CCDC90B: variants seen among roughly 807,000 people sequenced by gnomAD.
CCDC90B encodes the protein coiled-coil domain-containing protein 90B, mitochondrial.
Under a neutral mutation model 37.0 loss-of-function variants are expected in CCDC90B, and 24 were observed. The observed-to-expected ratio is 0.65, with a 90% CI of 0.47 to 0.91. The LOEUF (loss-of-function observed/expected upper bound fraction) is 0.91, where lower values mean the gene tolerates loss of function less well. Ranked by LOEUF, CCDC90B falls within the 40% of genes least tolerant of loss-of-function variation. The pLI is 0.00. For synonymous variants in CCDC90B, 113 were observed against 101.1 expected (o/e 1.12, Z -0.71); for missense variants, 319 against 299.0 (o/e 1.07, Z -0.49).
In CCDC90B at chr11:83,265,895, T is replaced by C. The variant is rs1234453281; in HGVS notation, c.679A>G (p.Asn227Asp). ...AGATAACGAATTGTCTCAAGTTTGT[T>C]AGATTCCATCAGTGTTTTTAAGGAA... ...IASLKTLMES[N>D]KLETIRYLAA... Residue 227 changes from asparagine (N) to aspartate (D), a missense_variant, in exon 8 of 9, where the codon AAC (asparagine) becomes GAC (aspartate). Coordinates refer to ENST00000529689, the MANE Select transcript of CCDC90B (RefSeq NM_021825.5). 2 of 1,609,022 alleles carry C rather than the reference T, an allele frequency of 1.2e-6. No homozygotes were observed. Among genetic ancestry groups the C allele is most frequent in the African/African-American group, 2.7e-5 (2 of 74,790 alleles).
chr11:83,282,018 C>T (rs1207642384), intron 1 of CCDC90B, among the ~76,000 whole-genome samples: 1 of 139,976 alleles, frequency 7.1e-6, no homozygotes, highest in African/African-American at 2.6e-5. Flanking sequence ...CCTGGCTTAC[C>T]TCAAGCTTGT....
intron 2 of CCDC90B, 62 bp downstream of exon 2, chr11:83,280,079 C>T: frequency 6.5e-7 from 1 of 1,533,682 alleles, no homozygotes; most frequent in Non-Finnish European, 8.8e-7. Context: ...GTGATATTGT[C>T]TTAACTAGGC....
chr11:83,284,354 C>T (rs1004990210), intron 1 of CCDC90B, among the ~76,000 whole-genome samples: 5 of 152,154 alleles, frequency 3.3e-5, no homozygotes, highest in African/African-American at 1.2e-4. Context: ...AAGTGTTGTC[C>T]CATTAAATTT....
chr11:83,284,993 T>G (rs140018500), intron 1 of CCDC90B: 230 of 418,450 alleles, frequency 5.5e-4, no homozygotes, highest in Non-Finnish European at 7.8e-4. Context: ...AGATGGAGGA[T>G]CAACAACTGC....
At chr11:83,274,242 A>C in intron 4 of CCDC90B, 1 of 353,030 alleles carries the variant, frequency 2.8e-6, no homozygotes, top group East Asian at 4.3e-5. Context: ...AATAAGCTAT[A>C]GTGGATAACA....
At chr11:83,277,110 A>C (rs1467275444) in intron 3 of CCDC90B, among the ~76,000 whole-genome samples, 3 of 152,210 alleles carry the variant, frequency 2.0e-5, no homozygotes, top group Admixed American at 2.0e-4. Context: ...AAAAAAGCCA[A>C]AAGTTTAATA....
At chr11:83,278,510 C>A (rs905379920) in intron 3 of CCDC90B, among the ~76,000 whole-genome samples, 2 of 152,202 alleles carry the variant, frequency 1.3e-5, no homozygotes, top group Non-Finnish European at 2.9e-5. Context: ...AAAGATTTGG[C>A]AAAATACCAT....
Position 83,259,756 on chromosome 11 carries a change from CTTG to C in CCDC90B, c.*2152_*2154del, listed in dbSNP as rs1863847961. ...GGTACACTTTAGCCTTGATGAACTC[CTTG>C]GCTCAAGCAATCCTGCTGCCGCAGC... is the stretch of plus-strand genomic sequence containing the variant. On this transcript the variant is annotated 3_prime_UTR_variant, in exon 9 of 9. Coordinates refer to ENST00000529689, the MANE Select transcript of CCDC90B (RefSeq NM_021825.5). 1 of 152,210 alleles carries C rather than the reference CTTG, an allele frequency of 6.6e-6. No individual in the cohort carries two copies. The allele number at this position is 152,210 out of a possible 1,614,324, so 9.4% of individuals were successfully genotyped here.
At chr11:83,265,405 G>T (rs2135591085) in intron 8 of CCDC90B, among the ~76,000 whole-genome samples, 1 of 152,100 alleles carries the variant, frequency 6.6e-6, no homozygotes, top group East Asian at 1.9e-4. Context: ...GCAATAAAAA[G>T]AAAATTTTCA....
In CCDC90B at chr11:83,260,386, TATTA is replaced by T. The variant is rs763540323; in HGVS notation, c.*1521_*1524del. 4 of 152,218 alleles carry T rather than the reference TATTA, an allele frequency of 2.6e-5. No homozygotes were observed. The highest frequency in any genetic ancestry group is 4.4e-5 in the Non-Finnish European group (3 of 68,040). The allele number at this position is 152,218 out of a possible 1,614,324, so 9.4% of individuals were successfully genotyped here. On this transcript the variant is annotated 3_prime_UTR_variant, in exon 9 of 9. Coordinates refer to ENST00000529689, the MANE Select transcript of CCDC90B (RefSeq NM_021825.5). ...GTGGACTTTAATATATATGGTAACTTATTAATTGACTCAGTGAAAATTAATCTAT... is the reference window on the plus strand; with the variant it reads ...GTGGACTTTAATATATATGGTAACTTATTGACTCAGTGAAAATTAATCTAT...
chr11:83,282,209 C>A (rs1280898855), intron 1 of CCDC90B, among the ~76,000 whole-genome samples: 2 of 152,228 alleles, frequency 1.3e-5, no homozygotes, highest in Non-Finnish European at 2.9e-5. Flanking sequence ...CCCTTGTGAT[C>A]AATGGCTAAC....
At chr11:83,285,754 G>A in intron 1 of CCDC90B, 119 bp downstream of exon 1, 2 of 1,470,292 alleles carry the variant, frequency 1.4e-6, no homozygotes, top group Non-Finnish European at 1.8e-6. Context: ...AGCACAAGGC[G>A]TGAATCCGGG....
intron 8 of CCDC90B, among the ~76,000 whole-genome samples, chr11:83,262,616 C>T (rs778792312): frequency 5.3e-5 from 8 of 151,970 alleles, no homozygotes; most frequent in African/African-American, 1.5e-4. Context: ...TTTAAAACAC[C>T]GATGAATGAA....
At position 83,260,467 on chromosome 11, in the gene CCDC90B, AACAGGATAATGTC is replaced by A. The variant is rs1285765547; in HGVS notation, c.*1431_*1443del. On this transcript the variant is annotated 3_prime_UTR_variant, in exon 9 of 9. Coordinates refer to ENST00000529689, the MANE Select transcript of CCDC90B (RefSeq NM_021825.5). ...TAGAGATAAAAATGAATCAGAATGT[AACAGGATAATGTC>A]AAGGTTTTTCTTTTGAAAACAAACC... 1.3e-5 allele frequency: 2 copies of A among 152,238 alleles called. No individual in the cohort carries two copies. The highest frequency in any genetic ancestry group is 4.8e-5 in the African/African-American group (2 of 41,464). The allele number at this position is 152,238 out of a possible 1,614,324, so 9.4% of individuals were successfully genotyped here. A position where few individuals can be genotyped will look rare whatever the true frequency, so the allele number is the denominator to read the frequency against.
intron 1 of CCDC90B, among the ~76,000 whole-genome samples, chr11:83,284,659 A>G (rs1865576528): frequency 6.6e-6 from 1 of 152,202 alleles, no homozygotes; most frequent in African/African-American, 2.4e-5. Context: ...AAATCCTACT[A>G]GTTGTAAGAA....
chr11:83,272,388 A>C lies in CCDC90B; in HGVS notation c.594+1259T>G, dbSNP rs988725055. 2.6e-5 allele frequency among the ~76,000 whole-genome samples: 4 copies of C among 152,218 alleles called. No individual in the cohort carries two copies. The South Asian group carries it at 8.3e-4, about 31-fold the overall frequency. On this transcript the variant is annotated intron_variant, in intron 7 of 8. Transcript: ENST00000529689. ...TAATAACATATTTATACCTGAATAC[A>C]TAAGATGATAAACTAAGAAGCAAAA... is the stretch of plus-strand genomic sequence containing the variant.
At position 83,286,158 on chromosome 11, in the gene CCDC90B, A is replaced by G. The variant is rs1865681696; in HGVS notation, c.-186T>C. ...ACTGGGTCTCTTCACAGACAGACCCACAGTTCGCGAGCATGGCTCAGCGCT... is the reference window on the plus strand; with the variant it reads ...ACTGGGTCTCTTCACAGACAGACCCGCAGTTCGCGAGCATGGCTCAGCGCT... On this transcript the variant is annotated 5_prime_UTR_variant, in exon 1 of 9. Transcript: ENST00000529689. 1 of 1,536,020 alleles carries G rather than the reference A, an allele frequency of 6.5e-7. No homozygotes were observed.
chr11:83,281,981 C>G (rs1295370717), intron 1 of CCDC90B, among the ~76,000 whole-genome samples: 2 of 151,970 alleles, frequency 1.3e-5, no homozygotes, highest in South Asian at 2.1e-4. Context: ...ATTTAATACA[C>G]CTAACCTGCT....
Position 83,261,885 on chromosome 11 carries a change from C to G in CCDC90B, c.*26G>C. 6.4e-7 allele frequency: 1 copy of G among 1,560,632 alleles called. No individual in the cohort carries two copies. The highest frequency in any genetic ancestry group is 1.2e-5 in the South Asian group (1 of 84,456). ...CCGGTTTGGTGTTCTAAGAAGCCAA[C>G]AGCCACAGCAGGATGAGCATTAATA... On this transcript the variant is annotated 3_prime_UTR_variant, in exon 9 of 9. Transcript: ENST00000529689.
Sources: allele counts gnomAD v4.1 joint callset (sites outside exome capture counted in the v4.1 genomes callset), GRCh38; gene constraint gnomAD v4.1.1; transcripts MANE v1.5; gene names NCBI Gene and HGNC (gene_info 2026-07-23, HGNC 2026-07-21).